Variants in LRP1B observed in about 807,000 individuals in gnomAD.
The protein encoded by LRP1B is low-density lipoprotein receptor-related protein 1B.
LRP1B carries 217 observed loss-of-function variants against 556.6 expected under a neutral mutation model. The observed-to-expected ratio is 0.39, with a 90% CI of 0.35 to 0.44. LRP1B has a LOEUF of 0.44. Among genes scored for constraint, LRP1B ranks in the 20% least tolerant of loss-of-function variants. The probability of loss-of-function intolerance (pLI) is 1.00; values close to 1 mark genes in which losing one functional copy is unlikely to be tolerated. For synonymous variants in LRP1B, 2,047 were observed against 1,865.8 expected (o/e 1.10, Z -2.50); for missense variants, 5,053 against 5,620.8 (o/e 0.90, Z 3.23).
intron 1 of LRP1B, among the ~76,000 whole-genome samples, chr2:141,819,566 A>C (rs1696687084): frequency 6.6e-6 from 1 of 152,202 alleles, no homozygotes; most frequent in Admixed American, 6.5e-5. Context: ...AGAAGTAAAA[A>C]GTGGAACAGA....
chr2:141,972,608 C>T (rs1701775458), intron 1 of LRP1B, among the ~76,000 whole-genome samples: 2 of 148,100 alleles, frequency 1.4e-5, no homozygotes, highest in South Asian at 4.2e-4. Context: ...AAAGTGCCTA[C>T]AATTAACCAC....
chr2:140,901,995 T>C (rs1017981936), intron 23 of LRP1B, among the ~76,000 whole-genome samples: 1 of 152,156 alleles, frequency 6.6e-6, no homozygotes, highest in Non-Finnish European at 1.5e-5. Flanking sequence ...TTTTGAGATA[T>C]GTGCGGCAAC....
At chr2:140,917,713 C>T (rs149119725) in intron 21 of LRP1B, among the ~76,000 whole-genome samples, 168 of 151,996 alleles carry the variant, frequency 1.1e-3, no homozygotes, top group African/African-American at 3.6e-3. Flanking sequence ...AGGCAGGGTA[C>T]GAAAGATTTT....
chr2:141,882,199 G>A (rs1435591), intron 1 of LRP1B, among the ~76,000 whole-genome samples: 132,532 of 152,078 alleles, frequency 0.87, 57,847 homozygotes, highest in East Asian at 1. Flanking sequence ...ATTCCCACTG[G>A]GTCAGCCACC....
intron 3 of LRP1B, among the ~76,000 whole-genome samples, chr2:141,423,375 A>G (rs1474087251): frequency 6.6e-6 from 1 of 150,986 alleles, no homozygotes; most frequent in Non-Finnish European, 1.5e-5. Flanking sequence ...ACTGGCAACA[A>G]TAATAATCAT....
intron 5 of LRP1B, among the ~76,000 whole-genome samples, chr2:141,244,421 G>T (rs995849251): frequency 3.9e-5 from 6 of 152,132 alleles, no homozygotes; most frequent in African/African-American, 7.2e-5. Context: ...TGGAGGGAAA[G>T]TTAGGTTCTG....
intron 1 of LRP1B, among the ~76,000 whole-genome samples, chr2:141,976,437 T>C (rs1175298581): frequency 2.6e-5 from 4 of 152,270 alleles, no homozygotes; most frequent in African/African-American, 9.6e-5. Flanking sequence ...TAACGAACTT[T>C]TGCAAACCTA....
At chr2:140,820,583 A>G (rs1691291640) in intron 31 of LRP1B, among the ~76,000 whole-genome samples, 2 of 145,570 alleles carry the variant, frequency 1.4e-5, no homozygotes, top group African/African-American at 4.9e-5. Flanking sequence ...AGGAAAAACC[A>G]GAATCAACGA....
At chr2:141,029,756 C>T (rs938088609) in intron 11 of LRP1B, among the ~76,000 whole-genome samples, 2 of 152,088 alleles carry the variant, frequency 1.3e-5, no homozygotes, top group Non-Finnish European at 2.9e-5. Context: ...GTCTCATTTT[C>T]TACTTTTGGC....
intron 7 of LRP1B, among the ~76,000 whole-genome samples, chr2:141,112,616 T>C (rs1700783819): frequency 6.6e-6 from 1 of 152,208 alleles, no homozygotes; most frequent in Non-Finnish European, 1.5e-5. Context: ...ATAAATACAA[T>C]GTCCTTCAAC....
intron 2 of LRP1B, among the ~76,000 whole-genome samples, chr2:141,484,851 A>G (rs1323320129): frequency 6.6e-6 from 1 of 152,104 alleles, no homozygotes; most frequent in African/African-American, 2.4e-5. Context: ...TATCAGCTTA[A>G]GGAGATTTTG....
At chr2:141,020,179 C>G (rs2105397600) in intron 11 of LRP1B, 77 bp from the exon 12 acceptor site, 1 of 888,118 alleles carries the variant, frequency 1.1e-6, no homozygotes, top group Non-Finnish European at 1.6e-6. Flanking sequence ...TAATAGCTAC[C>G]TAATAAAAAC....
chr2:141,413,348 A>G (rs1249342836), intron 3 of LRP1B, among the ~76,000 whole-genome samples: 2 of 152,160 alleles, frequency 1.3e-5, no homozygotes, highest in East Asian at 1.9e-4. Flanking sequence ...AGATGTGACT[A>G]TGGGATAATG....
At chr2:141,906,786 G>A (rs116258455) in intron 1 of LRP1B, among the ~76,000 whole-genome samples, 1,577 of 152,068 alleles carry the variant, frequency 0.01, 27 homozygotes, top group African/African-American at 0.035. Flanking sequence ...TTTCTTTGTG[G>A]TTACAAAGTA....
intron 2 of LRP1B, among the ~76,000 whole-genome samples, chr2:141,793,574 C>T (rs1462201364): frequency 6.6e-6 from 1 of 151,892 alleles, no homozygotes; most frequent in Non-Finnish European, 1.5e-5. Flanking sequence ...ATTAATGCTG[C>T]CAAATTTCCA....
chr2:140,769,905 T>C (rs1320246671), intron 34 of LRP1B, among the ~76,000 whole-genome samples: 3 of 152,018 alleles, frequency 2.0e-5, no homozygotes, highest in Non-Finnish European at 2.9e-5. Flanking sequence ...CTTAATTAGC[T>C]ATTAATATCA....
intron 60 of LRP1B, among the ~76,000 whole-genome samples, chr2:140,464,353 T>C (rs1162237919): frequency 5.3e-5 from 8 of 152,196 alleles, no homozygotes; most frequent in Admixed American, 1.3e-4. Flanking sequence ...AAATAATATG[T>C]ACTCTCCATA....
At chr2:141,289,020 G>T (rs1340034276) in intron 3 of LRP1B, among the ~76,000 whole-genome samples, 4 of 152,114 alleles carry the variant, frequency 2.6e-5, no homozygotes, top group Non-Finnish European at 4.4e-5. Context: ...TTCACTTGGA[G>T]AATGGTTTTT....
At chr2:141,818,315 C>G (rs952861981) in intron 1 of LRP1B, among the ~76,000 whole-genome samples, 1 of 151,976 alleles carries the variant, frequency 6.6e-6, no homozygotes, top group East Asian at 1.9e-4. Context: ...CAAGAAGTAC[C>G]TTAATCCCCT....
Sources: gnomAD v4.1 joint callset for allele counts (sites outside exome capture counted in the v4.1 genomes callset) on GRCh38, gnomAD v4.1.1 for gene constraint, MANE v1.5 for transcripts, NCBI Gene and HGNC (gene_info 2026-07-23, HGNC 2026-07-21) for gene names.